SLC44A5: variants seen among roughly 807,000 people sequenced by gnomAD.
SLC44A5 encodes solute carrier family 44 member 5.
Under a neutral mutation model 101.8 loss-of-function variants are expected in SLC44A5, and 57 were observed. The observed-to-expected ratio is 0.56, with a 90% CI of 0.45 to 0.70. SLC44A5 has a LOEUF of 0.70. SLC44A5 is among the 30% of genes least tolerant of loss of function. The probability of loss-of-function intolerance (pLI) is 0.00; values close to 1 mark genes in which losing one functional copy is unlikely to be tolerated. For missense variants in SLC44A5, 737 were observed against 853.1 expected (o/e 0.86, Z 1.70); for synonymous variants, 281 against 290.9 (o/e 0.97, Z 0.35).
At chr1:75,589,591 C>T (rs1218009728) in intron 1 of SLC44A5, among the ~76,000 whole-genome samples, 1 of 152,138 alleles carries the variant, frequency 6.6e-6, no homozygotes, top group African/African-American at 2.4e-5. Flanking sequence ...CTTATAAGAA[C>T]CAAGAACCAA....
At chr1:75,459,807 A>G (rs531424882) in intron 2 of SLC44A5, among the ~76,000 whole-genome samples, 88 of 152,214 alleles carry the variant, frequency 5.8e-4, no homozygotes, top group Non-Finnish European at 1.0e-3. Flanking sequence ...ATTGTAACTT[A>G]AAAACATATT....
At chr1:75,540,806 T>C (rs976896040) in intron 2 of SLC44A5, among the ~76,000 whole-genome samples, 1 of 152,182 alleles carries the variant, frequency 6.6e-6, no homozygotes, top group Non-Finnish European at 1.5e-5. Flanking sequence ...GTAACTACTT[T>C]TTCAAAAGTC....
At chr1:75,484,498 G>A (rs1397203505) in intron 2 of SLC44A5, among the ~76,000 whole-genome samples, 1 of 152,184 alleles carries the variant, frequency 6.6e-6, no homozygotes, top group Non-Finnish European at 1.5e-5. Flanking sequence ...CCACTTCTGT[G>A]ACTCTGCAGT....
rs535769341 is a variant in SLC44A5, at chr1:75,340,826, G to A, written c.53-1196C>T. On this transcript the variant is annotated intron_variant, in intron 3 of 23. Transcript: ENST00000370859. ...ACTGGAACTGCAAAATATAAACCTC[G>A]CAAACAAGAGAAGCAGAGAAATCTG... Among the ~76,000 whole-genome samples the A allele has an allele frequency of 2.0e-5, 3 of 152,178 alleles. No homozygotes were observed. The East Asian group carries it at 5.8e-4, about 29-fold the overall frequency.
intron 5 of SLC44A5, among the ~76,000 whole-genome samples, chr1:75,279,958 A>G (rs1652268489): frequency 6.6e-6 from 1 of 151,158 alleles, no homozygotes; most frequent in South Asian, 2.1e-4. Flanking sequence ...ATGCTTTTGC[A>G]TCCTCATAGC....
At position 75,582,537 on chromosome 1, in the gene SLC44A5, A is replaced by G. The variant is rs531965870; in HGVS notation, c.-70+28503T>C. On this transcript the variant is annotated intron_variant, in intron 1 of 23. Coordinates refer to ENST00000370859, the MANE Select transcript of SLC44A5 (RefSeq NM_001130058.2). ...CCAGCTCAGGCTCCCAAAGGCGCCC[A>G]GGCCACTACAAAGGGTTCAAAGTAG... 752 of 532,300 alleles carry G rather than the reference A, an allele frequency of 1.4e-3. 4 individuals are homozygous for G. The highest frequency in any genetic ancestry group is 2.0e-3 in the Non-Finnish European group (604 of 299,090). 33.0% of individuals were successfully genotyped at this position (532,300 alleles called of 1,614,324 possible).
At chr1:75,348,596 T>C (rs1238743235) in intron 3 of SLC44A5, among the ~76,000 whole-genome samples, 1 of 152,150 alleles carries the variant, frequency 6.6e-6, no homozygotes, top group Non-Finnish European at 1.5e-5. Context: ...AACTGACAGA[T>C]TAATAACAAC....
At chr1:75,579,498 A>T (rs1282905833) in intron 1 of SLC44A5, among the ~76,000 whole-genome samples, 1 of 151,782 alleles carries the variant, frequency 6.6e-6, no homozygotes, top group African/African-American at 2.4e-5. Flanking sequence ...AGAATAAGTT[A>T]TAGGTCCCTA....
At chr1:75,496,604 C>A (rs1314683915) in intron 2 of SLC44A5, among the ~76,000 whole-genome samples, 7 of 139,460 alleles carry the variant, frequency 5.0e-5, no homozygotes, top group African/African-American at 5.5e-5. Flanking sequence ...AAACAGACAA[C>A]AACAACAAAA....
intron 4 of SLC44A5, among the ~76,000 whole-genome samples, chr1:75,317,383 A>G (rs1655776936): frequency 6.6e-6 from 1 of 152,244 alleles, no homozygotes; most frequent in African/African-American, 2.4e-5. Flanking sequence ...TAGTGTTCTG[A>G]TTCCTACATA....
chr1:75,243,052 CA>C lies in SLC44A5; in HGVS notation c.346-42del, dbSNP rs763521195. Reference sequence around the variant, plus strand: ...GTGATGAGAACTGAACTGAGTTGAACAAACCCAGGAACTACCTATAAAGCTA... The same window carrying C: ...GTGATGAGAACTGAACTGAGTTGAACAACCCAGGAACTACCTATAAAGCTA... On this transcript the variant is annotated intron_variant, in intron 7 of 23. Coordinates refer to ENST00000370859, the MANE Select transcript of SLC44A5 (RefSeq NM_001130058.2). 3.8e-6 allele frequency: 6 copies of C among 1,563,382 alleles called. No homozygotes were observed. In the East Asian group the frequency reaches 1.4e-4, roughly 36 times the overall value.
the SLC44A5 span, among the ~76,000 whole-genome samples, chr1:75,714,154 C>T: frequency 2.0e-5 from 3 of 152,112 alleles, no homozygotes; most frequent in Admixed American, 6.6e-5. Context: ...TAAACCAAAT[C>T]CAGCAGCACA....
At chr1:75,584,431 T>G (rs1190687396) in intron 1 of SLC44A5, among the ~76,000 whole-genome samples, 3 of 152,202 alleles carry the variant, frequency 2.0e-5, no homozygotes, top group African/African-American at 7.2e-5. Flanking sequence ...AACAATGAAT[T>G]AGGACACTGT....
At chr1:75,529,619 G>T (rs1670611151) in intron 2 of SLC44A5, among the ~76,000 whole-genome samples, 1 of 152,114 alleles carries the variant, frequency 6.6e-6, no homozygotes, top group African/African-American at 2.4e-5. Flanking sequence ...TAATGAATCA[G>T]TCTACTTTTC....
At chr1:75,707,070 A>T in the SLC44A5 span, among the ~76,000 whole-genome samples, 3,156 of 152,308 alleles carry the variant, frequency 0.021, 113 homozygotes, top group African/African-American at 0.072. Flanking sequence ...TCTTTTTCAC[A>T]TGATATGGTA....
intron 3 of SLC44A5, among the ~76,000 whole-genome samples, chr1:75,365,208 G>T (rs1156621756): frequency 6.6e-6 from 1 of 151,974 alleles, no homozygotes; most frequent in Non-Finnish European, 1.5e-5. Context: ...GGATGTGCAG[G>T]TTTGTTACAT....
chr1:75,683,013 CA>C, the SLC44A5 span, among the ~76,000 whole-genome samples: 1 of 151,984 alleles, frequency 6.6e-6, no homozygotes, highest in South Asian at 2.1e-4. Context: ...AAATGCTCAC[CA>C]TCACTGGCCA....
intron 6 of SLC44A5, among the ~76,000 whole-genome samples, chr1:75,262,683 A>G (rs1191740037): frequency 6.6e-6 from 1 of 152,208 alleles, no homozygotes; most frequent in African/African-American, 2.4e-5. Context: ...AGACAATCCT[A>G]AGCCAAAAGA....
At chr1:75,679,839 C>G in the SLC44A5 span, among the ~76,000 whole-genome samples, 13 of 152,054 alleles carry the variant, frequency 8.5e-5, no homozygotes, top group Admixed American at 2.6e-4. Context: ...AGAGTCAAGA[C>G]CCATCAGTGT....
Sources: gnomAD v4.1 joint callset for allele counts (sites outside exome capture counted in the v4.1 genomes callset) on GRCh38, gnomAD v4.1.1 for gene constraint, MANE v1.5 for transcripts, NCBI Gene and HGNC (gene_info 2026-07-23, HGNC 2026-07-21) for gene names.